Variants in ARHGAP18 observed in about 807,000 individuals in gnomAD.
ARHGAP18 encodes the protein rho GTPase-activating protein 18.
A neutral mutation model predicts 86.2 loss-of-function variants in ARHGAP18; 67 were observed. The ratio of observed to expected loss-of-function variants is 0.78; its 90% CI spans 0.64 to 0.95. The LOEUF is 0.95. Ranked by LOEUF, ARHGAP18 falls within the 40% of genes least tolerant of loss-of-function variation. ARHGAP18 has a pLI of 0.00. For synonymous variants in ARHGAP18, 283 were observed against 280.4 expected (o/e 1.01, Z -0.09); for missense variants, 691 against 780.4 (o/e 0.89, Z 1.37).
chr6:129,684,059 G>A (rs866748132), intron 1 of ARHGAP18, among the ~76,000 whole-genome samples: 8 of 152,072 alleles, frequency 5.3e-5, no homozygotes, highest in African/African-American at 1.9e-4. Context: ...ATCTTGGAGA[G>A]AAAAAAATAA....
At chr6:129,617,721 G>A (rs1212520156) in intron 6 of ARHGAP18, among the ~76,000 whole-genome samples, 2 of 152,106 alleles carry the variant, frequency 1.3e-5, no homozygotes, top group African/African-American at 4.8e-5. Flanking sequence ...TTTACGTTTG[G>A]AGAAGGCTTT....
At chr6:129,673,257 T>C (rs1200626659) in intron 1 of ARHGAP18, among the ~76,000 whole-genome samples, 1 of 151,988 alleles carries the variant, frequency 6.6e-6, no homozygotes, top group Non-Finnish European at 1.5e-5. Context: ...AATACAAATA[T>C]CCAGTTCCTA....
At position 129,629,401 on chromosome 6, in the gene ARHGAP18, GCT is replaced by G. The variant is rs1562700595; in HGVS notation, c.736_737del (p.Ser246LeufsTer12). ...TGCTCTTCTGGATTTTCTCCTTGGAGCTCTCTTTCTGATTGAGTGCTTGCTCG... is the reference window on the plus strand; with the variant it reads ...TGCTCTTCTGGATTTTCTCCTTGGAGCTCTTTCTGATTGAGTGCTTGCTCG... The part of the protein sequence containing the change: ...FAEQALNQKE[S>X]SKEKIQKSKG... On this transcript the variant is annotated frameshift_variant, in exon 5 of 15. Transcript: ENST00000368149. LOFTEE classifies it high-confidence loss of function. 1 of 1,613,848 alleles carries G rather than the reference GCT, an allele frequency of 6.2e-7. No homozygotes were observed. Among genetic ancestry groups the G allele is most frequent in the Admixed American group, 1.7e-5 (1 of 59,978 alleles).
chr6:129,622,043 G>T (rs13220207), intron 5 of ARHGAP18, among the ~76,000 whole-genome samples: 15,726 of 152,136 alleles, frequency 0.1, 1,047 homozygotes, highest in Middle Eastern at 0.17. Context: ...TCAAGGAGAG[G>T]AGCCACTTCT....
At chr6:129,664,623 T>C (rs1291307800) in intron 1 of ARHGAP18, among the ~76,000 whole-genome samples, 3 of 152,206 alleles carry the variant, frequency 2.0e-5, no homozygotes, top group Non-Finnish European at 4.4e-5. Context: ...AGCCTCAGTT[T>C]CCTCACCTTC....
chr6:129,585,583 T>C (rs1288285531), intron 12 of ARHGAP18, among the ~76,000 whole-genome samples: 3 of 152,220 alleles, frequency 2.0e-5, no homozygotes. Context: ...ACAAAGGACC[T>C]GACCATCAAC....
chr6:129,592,922 C>A (rs367668676), intron 12 of ARHGAP18, among the ~76,000 whole-genome samples: 1 of 152,136 alleles, frequency 6.6e-6, no homozygotes, highest in South Asian at 2.1e-4. Context: ...AAAATGTGTT[C>A]GATTGTTGAT....
chr6:129,635,418 T>C (rs866218529), intron 3 of ARHGAP18, among the ~76,000 whole-genome samples: 23 of 152,312 alleles, frequency 1.5e-4, no homozygotes, highest in Middle Eastern at 3.4e-3. Flanking sequence ...GGTACGTGGG[T>C]ACCCAGCATC....
chr6:129,620,862 T>G (rs999945897), intron 5 of ARHGAP18, among the ~76,000 whole-genome samples: 1 of 152,204 alleles, frequency 6.6e-6, no homozygotes, highest in African/African-American at 2.4e-5. Flanking sequence ...TTATTTTGCC[T>G]TTTACACTCT....
intron 4 of ARHGAP18, among the ~76,000 whole-genome samples, chr6:129,631,272 G>A (rs368388519): frequency 1.7e-4 from 26 of 151,998 alleles, no homozygotes; most frequent in African/African-American, 5.8e-4. Context: ...CTCCATGTCA[G>A]GGTTACAATA....
intron 1 of ARHGAP18, among the ~76,000 whole-genome samples, chr6:129,691,231 T>C (rs1377341324): frequency 6.6e-6 from 1 of 152,190 alleles, no homozygotes; most frequent in Non-Finnish European, 1.5e-5. Flanking sequence ...TCCCTAACCT[T>C]ATGCCTTGAT....
At chr6:129,619,041 G>A (rs1411043826) in intron 5 of ARHGAP18, among the ~76,000 whole-genome samples, 189 bp from the exon 6 acceptor site, 7 of 151,082 alleles carry the variant, frequency 4.6e-5, no homozygotes, top group Admixed American at 6.6e-5. Context: ...TGGAGGGTTC[G>A]GGAGTCAACT....
At chr6:129,617,352 AG>A (rs1789118587) in intron 6 of ARHGAP18, among the ~76,000 whole-genome samples, 1 of 152,108 alleles carries the variant, frequency 6.6e-6, no homozygotes, top group Non-Finnish European at 1.5e-5. Context: ...AACATGAAAA[AG>A]GGGATTATCT....
At chr6:129,706,172 G>A (rs1283216376) in intron 1 of ARHGAP18, among the ~76,000 whole-genome samples, 1 of 152,130 alleles carries the variant, frequency 6.6e-6, no homozygotes, top group Non-Finnish European at 1.5e-5. Context: ...CTTAAAATGG[G>A]AAGGTAAGAG....
At position 129,664,079 on chromosome 6, in the gene ARHGAP18, T is replaced by A. The variant is rs146767954; in HGVS notation, c.114-22061A>T. On this transcript the variant is annotated intron_variant, in intron 1 of 14. Coordinates refer to ENST00000368149, the MANE Select transcript of ARHGAP18 (RefSeq NM_033515.3). ...CCCCACCAATCCCATCTGAAAGCTA[T>A]GCTATCTATGGGTCCCTGTGGGCCT... Among the ~76,000 whole-genome samples the A allele has an allele frequency of 4.2e-3, 639 of 152,376 alleles. 7 individuals carry two copies. The highest frequency in any genetic ancestry group is 0.015 in the African/African-American group (608 of 41,582).
chr6:129,658,293 C>T (rs908308370), intron 1 of ARHGAP18, among the ~76,000 whole-genome samples: 3 of 152,168 alleles, frequency 2.0e-5, no homozygotes, highest in Non-Finnish European at 4.4e-5. Flanking sequence ...CTCTGGGTCC[C>T]AACTTACACC....
In ARHGAP18 at chr6:129,625,733, T is replaced by C. The variant is rs1468380725; in HGVS notation, c.786+3620A>G. On this transcript the variant is annotated intron_variant, in intron 5 of 14. Coordinates refer to ENST00000368149, the MANE Select transcript of ARHGAP18 (RefSeq NM_033515.3). Reference sequence around the variant, plus strand: ...TATATATTTATATATTATATATATTTATTATATATTTATATATTATATATT... The same window carrying C: ...TATATATTTATATATTATATATATTCATTATATATTTATATATTATATATT... Among the ~76,000 whole-genome samples the C allele has an allele frequency of 5.2e-4, 13 of 25,078 alleles. 1 individual carries two copies. In the East Asian group the frequency reaches 0.018, roughly 35 times the overall value. The allele number at this position is 25,078 out of a possible 152,430, so 16.5% of individuals were successfully genotyped here. A position where few individuals can be genotyped will look rare whatever the true frequency, so the allele number is the denominator to read the frequency against.
intron 1 of ARHGAP18, among the ~76,000 whole-genome samples, chr6:129,670,587 G>A (rs1774124659): frequency 6.6e-6 from 1 of 152,070 alleles, no homozygotes; most frequent in African/African-American, 2.4e-5. Flanking sequence ...AGAAGGCTAC[G>A]TTGGTGGACA....
chr6:129,626,262 A>G (rs1789470207), intron 5 of ARHGAP18, among the ~76,000 whole-genome samples: 1 of 151,638 alleles, frequency 6.6e-6, no homozygotes, highest in African/African-American at 2.4e-5. Flanking sequence ...TCCACAATAC[A>G]CCACTAAGTC....
Sources: gnomAD v4.1 joint callset for allele counts (sites outside exome capture counted in the v4.1 genomes callset) on GRCh38, gnomAD v4.1.1 for gene constraint, MANE v1.5 for transcripts, NCBI Gene and HGNC (gene_info 2026-07-23, HGNC 2026-07-21) for gene names.